The following PDGFC variants were observed in gnomAD, a reference collection of about 807,000 sequenced individuals.
PDGFC encodes the protein platelet-derived growth factor C.
PDGFC carries 12 observed loss-of-function variants against 35.5 expected under a neutral mutation model. That is an observed-to-expected ratio of 0.34 (90% CI 0.22 to 0.55). PDGFC has a LOEUF of 0.55. PDGFC is among the 20% of genes least tolerant of loss of function. The pLI is 0.91. For missense variants in PDGFC, 322 were observed against 412.4 expected, an observed-to-expected ratio of 0.78 and a Z score of 1.90; for synonymous variants, 159 against 148.8, an observed-to-expected ratio of 1.07 and a Z score of -0.50.
intron 1 of PDGFC, among the ~76,000 whole-genome samples, chr4:156,878,423 T>A (rs1353212797): frequency 6.6e-6 from 1 of 152,198 alleles, no homozygotes; most frequent in Non-Finnish European, 1.5e-5. Context: ...TGTAAATTTT[T>A]ATTAAAAATT....
chr4:156,791,055 CT>C (rs1731287816), intron 3 of PDGFC, among the ~76,000 whole-genome samples: 1 of 152,150 alleles, frequency 6.6e-6, no homozygotes, highest in Non-Finnish European at 1.5e-5. Context: ...GGCTCTCTGG[CT>C]TTGGGCTTCA....
intron 2 of PDGFC, among the ~76,000 whole-genome samples, chr4:156,835,519 C>T (rs1729042373): frequency 1.3e-5 from 2 of 152,080 alleles, no homozygotes; most frequent in Admixed American, 6.6e-5. Flanking sequence ...GTGGATAATC[C>T]TGGGAACCAG....
intron 3 of PDGFC, among the ~76,000 whole-genome samples, chr4:156,809,435 C>G (rs953395271): frequency 6.6e-6 from 1 of 151,968 alleles, no homozygotes; most frequent in African/African-American, 2.4e-5. Context: ...CATCACAAGT[C>G]TTATGAATCT....
chr4:156,888,778 T>C (rs1730435200), intron 1 of PDGFC, among the ~76,000 whole-genome samples: 1 of 152,174 alleles, frequency 6.6e-6, no homozygotes, highest in Non-Finnish European at 1.5e-5. Flanking sequence ...TTTTACCAAT[T>C]GGTGTGCAAA....
intron 3 of PDGFC, among the ~76,000 whole-genome samples, chr4:156,804,419 T>C (rs1198645289): frequency 6.6e-6 from 1 of 151,998 alleles, no homozygotes; most frequent in East Asian, 1.9e-4. Context: ...GAGATTTTTA[T>C]AACACATTTG....
At chr4:156,963,869 T>C (rs952586451) in intron 1 of PDGFC, among the ~76,000 whole-genome samples, 2 of 152,176 alleles carry the variant, frequency 1.3e-5, no homozygotes, top group African/African-American at 4.8e-5. Flanking sequence ...TAGCTCCCTT[T>C]GTTTTCAGAT....
At chr4:156,815,323 T>TACACACACACACACACAC (rs3042796) in intron 2 of PDGFC, among the ~76,000 whole-genome samples, 1 of 144,996 alleles carries the variant, frequency 6.9e-6, no homozygotes, top group Non-Finnish European at 1.5e-5. Context: ...AATAATTTTT[T>TACACACACACACACACAC]ACACACACAC....
chr4:156,805,437 T>A (rs1420781877), intron 3 of PDGFC, among the ~76,000 whole-genome samples: 1 of 152,052 alleles, frequency 6.6e-6, no homozygotes, highest in Admixed American at 6.6e-5. Context: ...AAATGTCGAC[T>A]TATTAGAATT....
chr4:156,848,303 G>A (rs898978868), intron 2 of PDGFC, among the ~76,000 whole-genome samples: 1 of 151,830 alleles, frequency 6.6e-6, no homozygotes, highest in Non-Finnish European at 1.5e-5. Context: ...AAAAATTTTT[G>A]TATATTGTTG....
intron 1 of PDGFC, among the ~76,000 whole-genome samples, chr4:156,893,260 C>T (rs975503153): frequency 6.6e-6 from 1 of 151,920 alleles, no homozygotes; most frequent in African/African-American, 2.4e-5. Context: ...AGTAGCAATA[C>T]ATATTTTAAC....
chr4:156,960,011 G>A (rs1732303737), intron 1 of PDGFC, among the ~76,000 whole-genome samples: 1 of 151,648 alleles, frequency 6.6e-6, no homozygotes, highest in African/African-American at 2.4e-5. Context: ...TCGTTATCAT[G>A]GCTTAAAACC....
At chr4:156,964,391 T>C (rs1412491722) in intron 1 of PDGFC, among the ~76,000 whole-genome samples, 1 of 148,024 alleles carries the variant, frequency 6.8e-6, no homozygotes, top group East Asian at 2.0e-4. Flanking sequence ...GTTATCACTA[T>C]ATATATATAT....
chr4:156,933,907 T>C (rs888191870), intron 1 of PDGFC, among the ~76,000 whole-genome samples: 1 of 152,156 alleles, frequency 6.6e-6, no homozygotes, highest in African/African-American at 2.4e-5. Flanking sequence ...TCCCAAGGCC[T>C]CCCCAGCCAT....
intron 3 of PDGFC, among the ~76,000 whole-genome samples, chr4:156,778,565 C>T (rs1307996968): frequency 1.3e-5 from 2 of 152,102 alleles, no homozygotes; most frequent in African/African-American, 4.8e-5. Context: ...ATATTTTCTG[C>T]ACTTGTTAAC....
At chr4:156,765,548 A>T (rs1311266265) in intron 5 of PDGFC, among the ~76,000 whole-genome samples, 1 of 152,218 alleles carries the variant, frequency 6.6e-6, no homozygotes, top group Non-Finnish European at 1.5e-5. Flanking sequence ...CACTAGAATC[A>T]GGCAACTGAA....
intron 1 of PDGFC, among the ~76,000 whole-genome samples, chr4:156,851,930 C>CAAAAAAAAAAAAAAAAAAAAAAAAAAAAA (rs61505882): frequency 1.3e-4 from 6 of 47,854 alleles, no homozygotes; most frequent in African/African-American, 4.0e-4. Context: ...GACTCCATCT[C>CAAAAAAAAAAAAAAAAAAAAAAAAAAAAA]AAAAAAAAAA....
intron 1 of PDGFC, among the ~76,000 whole-genome samples, chr4:156,949,346 A>T (rs1732024630): frequency 6.6e-6 from 1 of 151,886 alleles, no homozygotes; most frequent in Non-Finnish European, 1.5e-5. Flanking sequence ...ATGGGGAAAA[A>T]GTCTAATGTG....
chr4:156,825,572 T>TAAGAAG (rs1160328114), intron 2 of PDGFC, among the ~76,000 whole-genome samples: 35 of 94,666 alleles, frequency 3.7e-4, no homozygotes, highest in South Asian at 2.9e-3. Context: ...ATAATAATAA[T>TAAGAAG]AATAATAATA....
At chr4:156,969,550 G>C (rs1732541380) in intron 1 of PDGFC, among the ~76,000 whole-genome samples, 1 of 152,262 alleles carries the variant, frequency 6.6e-6, no homozygotes, top group Middle Eastern at 3.4e-3. Flanking sequence ...AAAACTTTCT[G>C]TGCTTTCTTA....
Sources: allele counts gnomAD v4.1 joint callset (sites outside exome capture counted in the v4.1 genomes callset), GRCh38; gene constraint gnomAD v4.1.1; transcripts MANE v1.5; gene names NCBI Gene and HGNC (gene_info 2026-07-23, HGNC 2026-07-21).